Variants in FARS2 observed in about 807,000 individuals in gnomAD.
FARS2 encodes the protein phenylalanyl-tRNA synthetase 2, mitochondrial, also known as phenylalanine--tRNA ligase, mitochondrial.
In FARS2, 40 loss-of-function variants were observed where a neutral mutation model predicts 46.4. The observed-to-expected ratio is 0.86, with a 90% CI of 0.67 to 1.12. The LOEUF (loss-of-function observed/expected upper bound fraction) is 1.12. FARS2 is among the 50% of genes most tolerant of loss of function. The pLI, the probability that FARS2 is intolerant of heterozygous loss-of-function variation, is 0.00. For synonymous variants in FARS2, 234 were observed against 214.9 expected (o/e 1.09, Z -0.78); for missense variants, 513 against 567.9 (o/e 0.90, Z 0.98).
Position 5,353,955 on chromosome 6 carries a change from A to T in FARS2, c.-21-14595A>T, listed in dbSNP as rs555622547. Among the ~76,000 whole-genome samples, 792 of 138,844 alleles carry T rather than the reference A, an allele frequency of 5.7e-3. 5 individuals carry two copies. Among genetic ancestry groups the T allele is most frequent in the African/African-American group, 0.014 (548 of 39,712 alleles). 91.1% of individuals were successfully genotyped at this position (138,844 alleles called of 152,430 possible). On this transcript the variant is annotated intron_variant, in intron 1 of 6. Coordinates refer to ENST00000274680, the MANE Select transcript of FARS2 (RefSeq NM_006567.5). ...CTGTTTGCTGCTTTTTTTTTTTTTT[A>T]AAAGTGATTTCTTGTAACAGTGGTC...
rs1421567879 is a variant in FARS2 at position 5,439,768 on chromosome 6, T to A, written c.904+8596T>A. ...TTAATCAGAATTAAGCCTGGTACATTTTTGAGGCCAGTTAGTTGAGATTGT... is the reference window on the plus strand; with the variant it reads ...TTAATCAGAATTAAGCCTGGTACATATTTGAGGCCAGTTAGTTGAGATTGT... On this transcript the variant is annotated intron_variant, in intron 4 of 6. Transcript: ENST00000274680. Among the ~76,000 whole-genome samples, 4 of 152,226 alleles carry A rather than the reference T, an allele frequency of 2.6e-5. 1 individual carries two copies. The highest frequency in any genetic ancestry group is 2.0e-4 in the Admixed American group (3 of 15,288).
At chr6:5,399,549 A>AC (rs887176160) in intron 2 of FARS2, among the ~76,000 whole-genome samples, 11 of 151,778 alleles carry the variant, frequency 7.2e-5, no homozygotes, top group Admixed American at 5.9e-4. Context: ...AGAGGTCATG[A>AC]CCCCCACTCT....
At chr6:5,283,548 CAAAAAA>C (rs11397113) in intron 1 of FARS2, among the ~76,000 whole-genome samples, 1 of 125,004 alleles carries the variant, frequency 8.0e-6, no homozygotes, top group South Asian at 2.6e-4. Flanking sequence ...GACTTTGTTT[CAAAAAA>C]AAAAAAAAAA....
At chr6:5,527,174 G>C (rs182184878) in intron 4 of FARS2, among the ~76,000 whole-genome samples, 1 of 152,166 alleles carries the variant, frequency 6.6e-6, no homozygotes, top group Non-Finnish European at 1.5e-5. Context: ...GCAATGTGCT[G>C]GGCCAGTGCT....
At chr6:5,313,161 C>CAGA (rs926436041) in intron 1 of FARS2, among the ~76,000 whole-genome samples, 6 of 152,198 alleles carry the variant, frequency 3.9e-5, no homozygotes, top group Non-Finnish European at 5.9e-5. Flanking sequence ...GAAAGATTAA[C>CAGA]AGATAATGGC....
intron 6 of FARS2, among the ~76,000 whole-genome samples, chr6:5,640,242 T>C (rs1271519049): frequency 6.6e-6 from 1 of 152,144 alleles, no homozygotes; most frequent in African/African-American, 2.4e-5. Flanking sequence ...GTGCCCATTC[T>C]GTATGAGGTC....
chr6:5,436,238 G>A (rs1763514624), intron 4 of FARS2, among the ~76,000 whole-genome samples: 1 of 152,180 alleles, frequency 6.6e-6, no homozygotes, highest in South Asian at 2.1e-4. Flanking sequence ...GAGTTAGTTA[G>A]GTTCTTGTTT....
At chr6:5,409,482 A>G (rs1224024303) in intron 3 of FARS2, among the ~76,000 whole-genome samples, 3 of 152,228 alleles carry the variant, frequency 2.0e-5, no homozygotes, top group African/African-American at 4.8e-5. Context: ...TTAGAATAGC[A>G]GTGAACTTGT....
chr6:5,692,306 G>T (rs1364789730), intron 6 of FARS2, among the ~76,000 whole-genome samples: 1 of 152,206 alleles, frequency 6.6e-6, no homozygotes, highest in African/African-American at 2.4e-5. Flanking sequence ...GACTGGAGCT[G>T]TTCCTATTCG....
At chr6:5,412,135 A>C (rs1239800685) in intron 3 of FARS2, among the ~76,000 whole-genome samples, 1 of 152,124 alleles carries the variant, frequency 6.6e-6, no homozygotes, top group African/African-American at 2.4e-5. Context: ...GTGGTCATTG[A>C]AATGCACCTC....
intron 6 of FARS2, among the ~76,000 whole-genome samples, chr6:5,767,143 C>T (rs547085033): frequency 6.6e-6 from 1 of 152,108 alleles, no homozygotes; most frequent in South Asian, 2.1e-4. Flanking sequence ...GCAACCTCCA[C>T]CTCCCAGATT....
At chr6:5,569,571 A>G (rs574536652) in intron 5 of FARS2, among the ~76,000 whole-genome samples, 1 of 152,152 alleles carries the variant, frequency 6.6e-6, no homozygotes, top group Non-Finnish European at 1.5e-5. Flanking sequence ...TGGTGGTGGT[A>G]GTGGTCATTG....
intron 4 of FARS2, among the ~76,000 whole-genome samples, chr6:5,517,612 CA>C (rs11366583): frequency 0.14 from 17,709 of 127,448 alleles, 1,096 homozygotes; most frequent in East Asian, 0.24. Context: ...GACTCAGTCT[CA>C]AAAAAAAAAA....
In FARS2 at chr6:5,613,355, A is replaced by AT. The variant is rs569816092; in HGVS notation, c.1217+36dup. ...AAGCTTTCTGATTTTACCCTTGACTATCTCTGTGTGATAAATGTCATGTGG... is the reference window on the plus strand; with the variant it reads ...AAGCTTTCTGATTTTACCCTTGACTATTCTCTGTGTGATAAATGTCATGTGG... On this transcript the variant is annotated intron_variant, in intron 6 of 6. Coordinates refer to ENST00000274680, the MANE Select transcript of FARS2 (RefSeq NM_006567.5). The AT allele has an allele frequency of 6.6e-5, 105 of 1,586,806 alleles. No individual in the cohort carries two copies. The East Asian group carries it at 2.3e-3, about 35-fold the overall frequency.
chr6:5,596,319 GT>G (rs1774194849), intron 5 of FARS2, among the ~76,000 whole-genome samples: 1 of 152,192 alleles, frequency 6.6e-6, no homozygotes, highest in Admixed American at 6.5e-5. Flanking sequence ...CCTGAGTGCA[GT>G]TGCTTCTGCA....
At position 5,456,119 on chromosome 6, in the gene FARS2, GC is replaced by G. The variant is rs1171209803; in HGVS notation, c.904+24948del. On this transcript the variant is annotated intron_variant, in intron 4 of 6. Coordinates refer to ENST00000274680, the MANE Select transcript of FARS2 (RefSeq NM_006567.5). ...TAGTCCAGCTACTTGGAGGGCTGAG[GC>G]AGGAGGATTGCTTGAGCCTGGAGGT... is the stretch of plus-strand genomic sequence containing the variant. Among the ~76,000 whole-genome samples the G allele has an allele frequency of 4.6e-5, 7 of 152,228 alleles. No individual in the cohort carries two copies. In the East Asian group the frequency reaches 1.4e-3, roughly 29 times the overall value.
intron 1 of FARS2, among the ~76,000 whole-genome samples, chr6:5,317,274 A>C (rs1769592570): frequency 6.6e-6 from 1 of 152,198 alleles, no homozygotes; most frequent in Non-Finnish European, 1.5e-5. Flanking sequence ...ATTCGACAAA[A>C]AATCACAAGG....
chr6:5,618,501 T>A (rs1775592443), intron 6 of FARS2, among the ~76,000 whole-genome samples: 1 of 152,226 alleles, frequency 6.6e-6, no homozygotes, highest in African/African-American at 2.4e-5. Flanking sequence ...GACAAAGTCG[T>A]TAGACACGTT....
At chr6:5,326,391 T>C (rs1375798395) in intron 1 of FARS2, among the ~76,000 whole-genome samples, 1 of 152,182 alleles carries the variant, frequency 6.6e-6, no homozygotes, top group African/African-American at 2.4e-5. Flanking sequence ...ACTTTGTCTT[T>C]CCCTGAAGCA....
Sources: allele counts gnomAD v4.1 joint callset (sites outside exome capture counted in the v4.1 genomes callset), GRCh38; gene constraint gnomAD v4.1.1; transcripts MANE v1.5; gene names NCBI Gene and HGNC (gene_info 2026-07-23, HGNC 2026-07-21).